Variants in STXBP6 observed in about 807,000 individuals in gnomAD.
STXBP6 encodes syntaxin binding protein 6.
A neutral mutation model predicts 26.9 loss-of-function variants in STXBP6; 21 were observed. The observed-to-expected ratio is 0.78, with a 90% confidence interval of 0.55 to 1.12. The LOEUF is 1.12. Ranked by LOEUF, STXBP6 falls within the 50% of genes most tolerant of loss-of-function variation. The probability of loss-of-function intolerance (pLI) is 0.00; values close to 1 mark genes in which losing one functional copy is unlikely to be tolerated. For missense variants in STXBP6, 232 were observed against 257.9 expected (o/e 0.90, Z 0.69); for synonymous variants, 97 against 92.6 (o/e 1.05, Z -0.27).
At chr14:24,813,824 T>C (rs1024287121) in intron 5 of STXBP6, among the ~76,000 whole-genome samples, 8 of 152,218 alleles carry the variant, frequency 5.3e-5, no homozygotes, top group African/African-American at 1.9e-4. Context: ...GAGTCTTCTC[T>C]TTCTCTTCTT....
At chr14:25,005,243 T>C (rs6574126) in intron 1 of STXBP6, among the ~76,000 whole-genome samples, 1 of 152,042 alleles carries the variant, frequency 6.6e-6, no homozygotes, top group Non-Finnish European at 1.5e-5. Context: ...ACAATAACAA[T>C]ATACATACTT....
Position 25,050,051 on chromosome 14 carries a change from G to T in STXBP6, c.-206C>A. On this transcript the variant is annotated 5_prime_UTR_variant, in exon 1 of 6. Transcript: ENST00000323944. Reference sequence around the variant, plus strand: ...CTCCCGCGCCGGCTCCTGCTGCCGCGCGCGAAAAGGGAGGGGTTGGGGGGA... The same window carrying T: ...CTCCCGCGCCGGCTCCTGCTGCCGCTCGCGAAAAGGGAGGGGTTGGGGGGA... The T allele has an allele frequency of 5.2e-6, 1 of 193,396 alleles. No homozygotes were observed. 12.0% of individuals were successfully genotyped at this position (193,396 alleles called of 1,614,324 possible).
In STXBP6 at chr14:24,942,049, G is replaced by A. The variant is rs577016144; in HGVS notation, c.154+32616C>T. The stretch of plus-strand genomic sequence containing the variant: ...CAAGATTGCAAATAGGTGAACTGCC[G>A]AGAAAAGAGAATGCAAATCTGCTGT... On this transcript the variant is annotated intron_variant, in intron 2 of 5. Coordinates refer to ENST00000323944, the MANE Select transcript of STXBP6 (RefSeq NM_001394410.1). Among the ~76,000 whole-genome samples, 47 of 152,296 alleles carry A rather than the reference G, an allele frequency of 3.1e-4. 1 individual carries two copies. In the East Asian group the frequency reaches 6.4e-3, roughly 21 times the overall value.
intron 1 of STXBP6, among the ~76,000 whole-genome samples, chr14:25,048,107 G>A (rs1368522910): frequency 2.6e-5 from 4 of 152,214 alleles, no homozygotes; most frequent in Admixed American, 2.6e-4. Context: ...AAAGGCCCAA[G>A]CAACTAAACC....
intron 1 of STXBP6, among the ~76,000 whole-genome samples, chr14:24,988,940 C>A (rs1179459956): frequency 6.6e-6 from 1 of 152,154 alleles, no homozygotes; most frequent in Non-Finnish European, 1.5e-5. Context: ...AATGTTCATC[C>A]CCACCTACGT....
At chr14:24,876,672 T>C (rs1298477835) in intron 2 of STXBP6, among the ~76,000 whole-genome samples, 1 of 152,222 alleles carries the variant, frequency 6.6e-6, no homozygotes, top group Non-Finnish European at 1.5e-5. Context: ...CGCTATCCAT[T>C]AGCAATTCAG....
intron 2 of STXBP6, among the ~76,000 whole-genome samples, chr14:24,860,941 T>G (rs1307377303): frequency 6.6e-6 from 1 of 152,066 alleles, no homozygotes; most frequent in African/African-American, 2.4e-5. Context: ...TATCTCATAT[T>G]TGAGATAGCT....
chr14:24,948,886 T>C (rs1381819568), intron 2 of STXBP6, among the ~76,000 whole-genome samples: 1 of 152,200 alleles, frequency 6.6e-6, no homozygotes, highest in Non-Finnish European at 1.5e-5. Flanking sequence ...ATTTTTTCCA[T>C]GTTACAGAAA....
chr14:24,847,262 T>C (rs1001860594), intron 4 of STXBP6, among the ~76,000 whole-genome samples: 2 of 152,196 alleles, frequency 1.3e-5, no homozygotes, highest in Non-Finnish European at 1.5e-5. Context: ...GATGCTTCTA[T>C]GTTACAGCAG....
At chr14:24,964,969 A>G (rs1307773572) in intron 2 of STXBP6, among the ~76,000 whole-genome samples, 1 of 152,224 alleles carries the variant, frequency 6.6e-6, no homozygotes, top group Admixed American at 6.5e-5. Flanking sequence ...CTAAACACAA[A>G]GGGCTTCTGC....
At chr14:24,884,735 G>A (rs1038616997) in intron 2 of STXBP6, among the ~76,000 whole-genome samples, 1 of 151,112 alleles carries the variant, frequency 6.6e-6, no homozygotes, top group Non-Finnish European at 1.5e-5. Flanking sequence ...AAAGCATATG[G>A]ATCTATAATG....
intron 2 of STXBP6, among the ~76,000 whole-genome samples, chr14:24,886,373 A>G (rs1201830018): frequency 6.6e-5 from 10 of 152,190 alleles, no homozygotes; most frequent in Admixed American, 5.9e-4. Flanking sequence ...TCTTACCTAT[A>G]AAATAGGAAC....
At chr14:25,028,319 CTGCTGGTGACTT>C (rs2075386314) in intron 1 of STXBP6, among the ~76,000 whole-genome samples, 5 of 152,138 alleles carry the variant, frequency 3.3e-5, no homozygotes, top group African/African-American at 9.7e-5. Context: ...GAGGCTAATG[CTGCTGGTGACTT>C]TAAGTTGAAT....
chr14:24,945,911 G>C (rs989130352), intron 2 of STXBP6, among the ~76,000 whole-genome samples: 3 of 152,150 alleles, frequency 2.0e-5, no homozygotes, highest in African/African-American at 7.2e-5. Context: ...TTTGAGAATA[G>C]TCAAAACGGT....
intron 4 of STXBP6, among the ~76,000 whole-genome samples, chr14:24,848,223 T>C (rs2069029712): frequency 6.6e-6 from 1 of 152,202 alleles, no homozygotes; most frequent in Admixed American, 6.5e-5. Flanking sequence ...CCTTTATAAT[T>C]TACTTTAATC....
chr14:24,947,472 G>A (rs1025907582), intron 2 of STXBP6, among the ~76,000 whole-genome samples: 12 of 152,324 alleles, frequency 7.9e-5, no homozygotes, highest in Admixed American at 2.6e-4. Flanking sequence ...TAAGAATGAC[G>A]CGCAAAGACC....
At chr14:25,002,581 G>T (rs374021582) in intron 1 of STXBP6, among the ~76,000 whole-genome samples, 1 of 151,310 alleles carries the variant, frequency 6.6e-6, no homozygotes, top group Non-Finnish European at 1.5e-5. Context: ...GGATGGTCTC[G>T]ATCTCCTGAC....
intron 1 of STXBP6, chr14:24,994,951 G>A (rs2074563049): frequency 6.7e-6 from 1 of 149,638 alleles, no homozygotes; most frequent in African/African-American, 2.5e-5. Flanking sequence ...AGAGGCTGGA[G>A]TGAGCTGAGA....
At position 25,049,777 on chromosome 14, in the gene STXBP6, G is replaced by A. The variant is rs912077400; in HGVS notation, c.-33+101C>T. The A allele has an allele frequency of 1.0e-6, 1 of 985,446 alleles. No individual in the cohort carries two copies. Among genetic ancestry groups the A allele is most frequent in the African/African-American group, 1.7e-5 (1 of 57,248 alleles). 61.0% of individuals were successfully genotyped at this position (985,446 alleles called of 1,614,324 possible). A position where few individuals can be genotyped will look rare whatever the true frequency, so the allele number is the denominator to read the frequency against. ...CCCTGGCCTCACAGCCACCCGCCTC[G>A]GACGGAGCGCCAGGCGCCCCAACAG... On this transcript the variant is annotated intron_variant, in intron 1 of 5. Coordinates refer to ENST00000323944, the MANE Select transcript of STXBP6 (RefSeq NM_001394410.1). The surrounding 1 kb of genome is among the most constrained non-coding windows in gnomAD (Gnocchi z 5.6).
Sources: gnomAD v4.1 joint callset for allele counts (sites outside exome capture counted in the v4.1 genomes callset) on GRCh38, gnomAD v4.1.1 for gene constraint, Gnocchi (gnomAD v3.1) non-coding constraint, MANE v1.5 for transcripts, NCBI Gene and HGNC (gene_info 2026-07-23, HGNC 2026-07-21) for gene names.